Variants in ACP4 observed in about 807,000 individuals in gnomAD.
ACP4 encodes testicular acid phosphatase.
ACP4 carries 49 observed loss-of-function variants against 47.3 expected under a neutral mutation model. The ratio of observed to expected loss-of-function variants is 1.04; its 90% CI spans 0.82 to 1.32. ACP4 has a LOEUF of 1.32. Ranked by LOEUF, ACP4 falls within the 40% of genes most tolerant of loss-of-function variation. The pLI, the probability that ACP4 is intolerant of heterozygous loss-of-function variation, is 0.00. For synonymous variants in ACP4, 299 were observed against 265.3 expected, an observed-to-expected ratio of 1.13 and a Z score of -1.23; for missense variants, 594 against 579.3, an observed-to-expected ratio of 1.03 and a Z score of -0.26.
At position 50,792,142 on chromosome 19, in the gene ACP4, G is replaced by A. The variant is rs201115271; in HGVS notation, c.520G>A (p.Glu174Lys). The A allele has an allele frequency of 1.7e-5, 28 of 1,609,482 alleles. No homozygotes were observed. The African/African-American group carries it at 2.0e-4, about 11-fold the overall frequency. ...ELLREATEAA[E>K]YQEALEGWTG... is the part of the protein sequence containing the mutation. ...GCTGCGGGAGGCCACCGAGGCCGCC[G>A]AGTACCAGGAGGCCCTGGAGGGCTG... is the stretch of plus-strand genomic sequence containing the variant. The change falls in exon 5 of 11, where the codon GAG (glutamate) becomes AAG (lysine). Residue 174 changes from glutamate (E) to lysine (K), a missense_variant. Transcript: ENST00000270593.
chr19:50,794,506 G>C lies in ACP4; in HGVS notation c.911G>C (p.Gly304Ala). Residue 304 changes from glycine (G) to alanine (A), a missense_variant, in exon 9 of 11, where the codon GGA (glycine) becomes GCA (alanine). Transcript: ENST00000270593. Reference protein sequence around the residue: ...ALQGALGLYDGHTPPYAACLG... With the variant: ...ALQGALGLYDAHTPPYAACLG... Reference sequence around the variant, plus strand: ...CAGGGGGCCCTGGGCCTCTATGATGGACACACCCCGCCATATGCTGCCTGC... The same window carrying C: ...CAGGGGGCCCTGGGCCTCTATGATGCACACACCCCGCCATATGCTGCCTGC... 1.9e-6 allele frequency: 3 copies of C among 1,613,812 alleles called. No homozygotes were observed. Among genetic ancestry groups the C allele is most frequent in the Non-Finnish European group, 2.5e-6 (3 of 1,180,008 alleles).
Position 50,793,774 on chromosome 19 carries a change from G to A in ACP4, c.736G>A (p.Val246Met), listed in dbSNP as rs756274541. ...QISALDIGAH[V>M]GPPRAAEKAQ... ...CTCGGCTTTGGATATTGGAGCCCAC[G>A]TGGGCCCACCCCGGGCAGCAGAGAA... Residue 246 changes from valine (V) to methionine (M), a missense_variant, in exon 7 of 11, where the codon GTG (valine) becomes ATG (methionine). By Grantham distance (21) the Val-to-Met change is conservative (BLOSUM62 1). Coordinates refer to ENST00000270593, the MANE Select transcript of ACP4 (RefSeq NM_033068.3). 2.1e-5 allele frequency: 34 copies of A among 1,613,750 alleles called. No individual in the cohort carries two copies. Among genetic ancestry groups the A allele is most frequent in the East Asian group, 4.5e-5 (2 of 44,900 alleles).
rs1174042853 is a variant in ACP4 at position 50,793,825 on chromosome 19, T to C, written c.778+9T>C. On this transcript the variant is annotated intron_variant, in intron 7 of 10. Transcript: ENST00000270593. Reference sequence around the variant, plus strand: ...GGCCCAGCTGACAGGGGGTGAGGTGTGGGTCTGGGAGGCTGGGGTGCCTTC... The same window carrying C: ...GGCCCAGCTGACAGGGGGTGAGGTGCGGGTCTGGGAGGCTGGGGTGCCTTC... 3.1e-6 allele frequency: 5 copies of C among 1,613,972 alleles called. No individual in the cohort carries two copies. The highest frequency in any genetic ancestry group is 2.2e-5 in the East Asian group (1 of 44,878).
Position 50,793,720 on chromosome 19 carries a change from C to T in ACP4, c.682C>T (p.Pro228Ser), listed in dbSNP as rs758939654. ...TCTTCCACTACCAGCCTGGGCCTCC[C>T]CAGATGTCCTGCGGACTCTTGCCCA... Reference protein sequence around the residue: ...HGLPLPAWASPDVLRTLAQIS... With the variant: ...HGLPLPAWASSDVLRTLAQIS... The change falls in exon 7 of 11, where the codon CCA (proline) becomes TCA (serine). Residue 228 changes from proline (P) to serine (S), a missense_variant. Pro to Ser is a moderately conservative substitution (Grantham distance 74). Transcript: ENST00000270593. 6.2e-7 allele frequency: 1 copy of T among 1,613,626 alleles called. No individual in the cohort carries two copies. Among genetic ancestry groups the T allele is most frequent in the Non-Finnish European group, 8.5e-7 (1 of 1,180,036 alleles).
chr19:50,794,393 T>C (rs1599912868), intron 8 of ACP4, 64 bp from the exon 9 acceptor site: 8 of 1,596,980 alleles, frequency 5.0e-6, no homozygotes, highest in Non-Finnish European at 3.4e-6. Context: ...GATGCGCAAG[T>C]GTAGTGCTCA....
rs769958920 is a variant in ACP4, at chr19:50,794,527, C to T, written c.932C>T (p.Ala311Val). 22 of 1,613,936 alleles carry T rather than the reference C, an allele frequency of 1.4e-5. No individual in the cohort carries two copies. Among genetic ancestry groups the T allele is most frequent in the Non-Finnish European group, 1.8e-5 (21 of 1,180,020 alleles). ...LYDGHTPPYA[A>V]CLGFEFRKHL... Reference sequence around the variant, plus strand: ...GATGGACACACCCCGCCATATGCTGCCTGCCTCGGCTTTGAGTTCCGGAAG... The same window carrying T: ...GATGGACACACCCCGCCATATGCTGTCTGCCTCGGCTTTGAGTTCCGGAAG... Residue 311 changes from alanine (A) to valine (V), a missense_variant, in exon 9 of 11, where the codon GCC becomes GTC. Transcript: ENST00000270593.
In ACP4 at chr19:50,794,580, G is replaced by A. The variant is rs771274958; in HGVS notation, c.985G>A (p.Gly329Arg). The A allele has an allele frequency of 1.2e-6, 2 of 1,614,078 alleles. No individual in the cohort carries two copies. Among genetic ancestry groups the A allele is most frequent in the Non-Finnish European group, 1.7e-6 (2 of 1,180,002 alleles). ...KHLGNPAKDG[G>R]NVTVSLFYRN... is the part of the protein sequence containing the mutation. ...CCTGGGGAATCCCGCCAAAGATGGAGGGTGAGAATGGTTTGGTGCCCAGGG... is the reference window on the plus strand; with the variant it reads ...CCTGGGGAATCCCGCCAAAGATGGAAGGTGAGAATGGTTTGGTGCCCAGGG... Residue 329 changes from glycine (G) to arginine (R), a missense_variant and splice_region_variant, in exon 9 of 11, where the codon GGG (glycine) becomes AGG (arginine). Coordinates refer to ENST00000270593, the MANE Select transcript of ACP4 (RefSeq NM_033068.3).
chr19:50,791,990 C>G, intron 4 of ACP4, 83 bp from the exon 5 acceptor site: 4 of 1,477,968 alleles, frequency 2.7e-6, no homozygotes, highest in Non-Finnish European at 3.6e-6. Context: ...GACGCAGGGG[C>G]CGAGAGCCCG....
rs772772680 is a variant in ACP4 at position 50,792,292 on chromosome 19, G to C, written c.600G>C (p.Glu200Asp). The part of the protein sequence containing the change: ...ENFTGLSLVG[E>D]PLRRAWKVLD... ...TCACGGGACTGTCGCTGGTTGGAGA[G>C]CCACTGCGCAGGGCATGGAAGGTTC... is the stretch of plus-strand genomic sequence containing the variant. The change falls in exon 6 of 11, where the codon GAG (glutamate) becomes GAC (aspartate). Residue 200 changes from glutamate (E) to aspartate (D), a missense_variant. Coordinates refer to ENST00000270593, the MANE Select transcript of ACP4 (RefSeq NM_033068.3). The C allele has an allele frequency of 1.9e-6, 3 of 1,613,542 alleles. No individual in the cohort carries two copies. The highest frequency in any genetic ancestry group is 2.2e-5 in the East Asian group (1 of 44,880).
chr19:50,793,364 A>C, intron 6 of ACP4: 1 of 281,838 alleles, frequency 3.5e-6, no homozygotes, highest in Non-Finnish European at 6.7e-6. Flanking sequence ...AAAAAAAAAA[A>C]ATTAGCCAGG....
At chr19:50,793,550 C>A in intron 6 of ACP4, 134 bp from the exon 7 acceptor site, 2 of 1,287,962 alleles carry the variant, frequency 1.6e-6, no homozygotes, top group Non-Finnish European at 2.1e-6. Flanking sequence ...CACTGTTATC[C>A]ACATCATGAT....
rs757405814 is a variant in ACP4 at position 50,791,745 on chromosome 19, C to A, written c.393C>A (p.Ser131Arg). ...AGLFPEAAPG[S>R]PEARWRPIPV... ...TGTTTCCCGAGGCTGCTCCAGGGAG[C>A]CCCGAGGCCCGCTGGAGGCCGATCC... is the stretch of plus-strand genomic sequence containing the variant. Residue 131 changes from serine (S) to arginine (R), a missense_variant, in exon 4 of 11, where the codon AGC becomes AGA. Ser to Arg is a moderately radical substitution (Grantham distance 110). Transcript: ENST00000270593. 5 of 1,612,866 alleles carry A rather than the reference C, an allele frequency of 3.1e-6. No homozygotes were observed. The Admixed American group carries it at 8.3e-5, about 27-fold the overall frequency.
At chr19:50,792,218 G>T (rs1371042306) in intron 5 of ACP4, 24 bp from the exon 6 acceptor site, 2 of 1,612,234 alleles carry the variant, frequency 1.2e-6, no homozygotes, top group Non-Finnish European at 1.7e-6. Context: ...ATGGGCCTGG[G>T]CTCACCCAGC....
In ACP4 at chr19:50,792,232, G is replaced by A. The variant is rs373190611; in HGVS notation, c.550-10G>A. 79 of 1,612,808 alleles carry A rather than the reference G, an allele frequency of 4.9e-5. No homozygotes were observed. The East Asian group carries it at 9.6e-4, about 20-fold the overall frequency. ...GATGGGCCTGGGCTCACCCAGCCCC[G>A]CGCATCCAGGGCTTCCTGAGTCGCC... On this transcript the variant is annotated splice_polypyrimidine_tract_variant and intron_variant, in intron 5 of 10. Transcript: ENST00000270593.
chr19:50,792,189 G>A lies in ACP4; in HGVS notation c.549+18G>A, dbSNP rs372111844. ...GCTGGACGGTGAGCAGGGCGGCGGT[G>A]GGGGGCGGGATGCAGGGGATGGGCC... On this transcript the variant is annotated intron_variant, in intron 5 of 10. Coordinates refer to ENST00000270593, the MANE Select transcript of ACP4 (RefSeq NM_033068.3). 8 of 1,610,526 alleles carry A rather than the reference G, an allele frequency of 5.0e-6. No individual in the cohort carries two copies. In the African/African-American group the frequency reaches 8.0e-5, roughly 16 times the overall value.
intron 6 of ACP4, chr19:50,792,820 A>AG (rs2089521762): frequency 6.5e-6 from 1 of 152,926 alleles, no homozygotes; most frequent in Non-Finnish European, 1.5e-5. Flanking sequence ...TAGCTGAGGC[A>AG]GGCAGGGGCA....
Position 50,792,010 on chromosome 19 carries a change from G to A in ACP4, c.451-63G>A, listed in dbSNP as rs560484483. The A allele has an allele frequency of 2.0e-4, 295 of 1,505,314 alleles. 2 individuals are homozygous for A. In the East Asian group the frequency reaches 5.7e-3, roughly 29 times the overall value. 93.2% of individuals were successfully genotyped at this position (1,505,314 alleles called of 1,614,324 possible). A position where few individuals can be genotyped will look rare whatever the true frequency, so the allele number is the denominator to read the frequency against. On this transcript the variant is annotated intron_variant, in intron 4 of 10. Coordinates refer to ENST00000270593, the MANE Select transcript of ACP4 (RefSeq NM_033068.3). Reference sequence around the variant, plus strand: ...AGGGGCCGAGAGCCCGGGTTCCCCCGACCCGCTGTGAGACCCAAGGCAAGG... The same window carrying A: ...AGGGGCCGAGAGCCCGGGTTCCCCCAACCCGCTGTGAGACCCAAGGCAAGG...
At chr19:50,791,211 C>G (rs2089502879) in intron 3 of ACP4, among the ~76,000 whole-genome samples, 1 of 152,158 alleles carries the variant, frequency 6.6e-6, no homozygotes, top group Non-Finnish European at 1.5e-5. Flanking sequence ...GCCCTCTTGA[C>G]CTCTAACCTT....
chr19:50,793,997 T>C (rs754041690), intron 8 of ACP4, 27 bp downstream of exon 8: 4 of 1,612,418 alleles, frequency 2.5e-6, no homozygotes, highest in Non-Finnish European at 2.5e-6. Flanking sequence ...CAGTGCCACA[T>C]GGCACTGAGG....
Sources: gnomAD v4.1 joint callset for allele counts (sites outside exome capture counted in the v4.1 genomes callset) on GRCh38, gnomAD v4.1.1 for gene constraint, MANE v1.5 for transcripts, NCBI Gene and HGNC (gene_info 2026-07-23, HGNC 2026-07-21) for gene names.